RRBP1: variants seen among roughly 807,000 people sequenced by gnomAD.
RRBP1 encodes the protein ribosome-binding protein 1.
A neutral mutation model predicts 165.2 loss-of-function variants in RRBP1; 94 were observed. The observed-to-expected ratio is 0.57, with a 90% CI of 0.48 to 0.68. RRBP1 has a LOEUF of 0.68. Ranked by LOEUF, RRBP1 falls within the 30% of genes least tolerant of loss-of-function variation. RRBP1 has a pLI of 0.00. For missense variants in RRBP1, 1,676 were observed against 1,763.0 expected, an observed-to-expected ratio of 0.95 and a Z score of 0.88; for synonymous variants, 680 against 714.5, an observed-to-expected ratio of 0.95 and a Z score of 0.77.
chr20:17,624,485 C>G, intron 13 of RRBP1, 91 bp downstream of exon 13: 1 of 840,732 alleles, frequency 1.2e-6, no homozygotes, highest in Non-Finnish European at 2.0e-6. Flanking sequence ...CCTAGAGCAT[C>G]TGGTGTCCTA....
intron 8 of RRBP1, among the ~76,000 whole-genome samples, chr20:17,632,573 T>C (rs945307560): frequency 3.3e-5 from 5 of 152,236 alleles, no homozygotes; most frequent in Admixed American, 2.0e-4. Context: ...TAAAATTTCG[T>C]GTCTGTTCTA....
chr20:17,624,496 G>T, intron 13 of RRBP1, 80 bp downstream of exon 13: 1 of 922,156 alleles, frequency 1.1e-6, no homozygotes. Context: ...TGGTGTCCTA[G>T]TGCATCTGTA....
At chr20:17,644,183 C>T (rs945625853) in intron 3 of RRBP1, among the ~76,000 whole-genome samples, 4 of 152,062 alleles carry the variant, frequency 2.6e-5, no homozygotes, top group African/African-American at 7.2e-5. Context: ...ATGAGGGGAA[C>T]GTGGGATGTG....
At chr20:17,676,413 AGG>A (rs2037083090) in intron 2 of RRBP1, among the ~76,000 whole-genome samples, 3 of 147,708 alleles carry the variant, frequency 2.0e-5, no homozygotes, top group Non-Finnish European at 3.1e-5. Context: ...ATTTTATAGG[AGG>A]GAGAAAACTG....
Position 17,620,811 on chromosome 20 carries a change from G to T in RRBP1, c.3415-4C>A. On this transcript the variant is annotated splice_region_variant and splice_polypyrimidine_tract_variant and intron_variant, in intron 16 of 24. Coordinates refer to ENST00000377813, the MANE Select transcript of RRBP1 (RefSeq NM_001365613.2). ...GCAGGTCTCTGAGCATGCCCTCCTG[G>T]GGGGAAACCGAGGTGAGGCAGGGCC... The T allele has an allele frequency of 6.3e-7, 1 of 1,599,592 alleles. No individual in the cohort carries two copies.
intron 19 of RRBP1, 150 bp downstream of exon 19, chr20:17,619,483 G>A (rs544317871): frequency 3.7e-6 from 2 of 541,558 alleles, no homozygotes; most frequent in East Asian, 3.2e-5. Flanking sequence ...GCCCAACGAG[G>A]GGCCTGTGAG....
chr20:17,614,226 A>G lies in RRBP1; in HGVS notation c.4195-6T>C. ...TTTGAGCTGCTGCCGTCCTCCTGTG[A>G]ACGAAGGCAGGTGGCGTGAGGGGGG... is the stretch of plus-strand genomic sequence containing the variant. On this transcript the variant is annotated splice_region_variant and splice_polypyrimidine_tract_variant and intron_variant, in intron 24 of 24. Transcript: ENST00000377813. 8 of 1,613,296 alleles carry G rather than the reference A, an allele frequency of 5.0e-6. No homozygotes were observed. Among genetic ancestry groups the G allele is most frequent in the Non-Finnish European group, 6.8e-6 (8 of 1,179,944 alleles).
At position 17,670,981 on chromosome 20, in the gene RRBP1, T is replaced by C. The variant is rs373926926; in HGVS notation, c.-22+9018A>G. Among the ~76,000 whole-genome samples the C allele has an allele frequency of 5.2e-4, 79 of 152,360 alleles. No homozygotes were observed. The South Asian group carries it at 0.013, about 26-fold the overall frequency. Reference sequence around the variant, plus strand: ...TGCATCTACTCTTCCTGAATCTTAATTGGTCTTACAAATTATTCATCTATG... The same window carrying C: ...TGCATCTACTCTTCCTGAATCTTAACTGGTCTTACAAATTATTCATCTATG... On this transcript the variant is annotated intron_variant, in intron 2 of 24. Transcript: ENST00000377813.
chr20:17,635,183 T>C (rs1456541918), intron 7 of RRBP1, among the ~76,000 whole-genome samples: 1 of 152,060 alleles, frequency 6.6e-6, no homozygotes, highest in Non-Finnish European at 1.5e-5. Context: ...TCCGGCCCAC[T>C]TGCTGTGGGC....
At chr20:17,658,529 G>A (rs1332708085) in intron 3 of RRBP1, 67 bp downstream of exon 3, 48 of 1,384,734 alleles carry the variant, frequency 3.5e-5, no homozygotes, top group Middle Eastern at 5.2e-4. Context: ...GGCACTCCCC[G>A]AGAGAATCCA....
intron 3 of RRBP1, among the ~76,000 whole-genome samples, chr20:17,647,773 T>C (rs1379399991): frequency 2.0e-5 from 3 of 152,192 alleles, no homozygotes; most frequent in African/African-American, 7.2e-5. Context: ...TCCAGATCAG[T>C]TCTGAGGGTG....
At position 17,636,642 on chromosome 20, in the gene RRBP1, C is replaced by A. The variant is rs199895813; in HGVS notation, c.2272G>T (p.Val758Leu). The change falls in exon 6 of 25, where the codon GTG (valine) becomes TTG (leucine). Residue 758 changes from valine to leucine, a missense_variant. By Grantham distance (32) the Val-to-Leu change is conservative (BLOSUM62 1). This residue lies in a region of RRBP1 where 1,184 missense variants were observed against 1,167.1 expected (regional missense o/e 1.01). Coordinates refer to ENST00000377813, the MANE Select transcript of RRBP1 (RefSeq NM_001365613.2). ...TAGCTGGCCTGCATGCGTGCCTGCA[C>A]AGCCGTGATCTCCTGCTCCCGGGCC... ...LVAREQEITA[V>L]QARMQASYRE... 1 of 1,613,218 alleles carries A rather than the reference C, an allele frequency of 6.2e-7. No homozygotes were observed. The highest frequency in any genetic ancestry group is 8.5e-7 in the Non-Finnish European group (1 of 1,180,032).
rs531233694 is a variant in RRBP1, at chr20:17,616,890, C to A, written c.3760-51G>T. 3.4e-5 allele frequency: 46 copies of A among 1,370,192 alleles called. 2 individuals carry two copies. In the South Asian group the frequency reaches 4.4e-4, roughly 13 times the overall value. The allele number at this position is 1,370,192 out of a possible 1,614,324, so 84.9% of individuals were successfully genotyped here. A position where few individuals can be genotyped will look rare whatever the true frequency, so the allele number is the denominator to read the frequency against. ...AAATGCACAGCCAGTCGCACACCCACCATGCTCACTCCTGCAGGGACCCCC... is the reference window on the plus strand; with the variant it reads ...AAATGCACAGCCAGTCGCACACCCAACATGCTCACTCCTGCAGGGACCCCC... On this transcript the variant is annotated intron_variant, in intron 20 of 24. Transcript: ENST00000377813.
intron 8 of RRBP1, among the ~76,000 whole-genome samples, chr20:17,632,419 G>A (rs1044881715): frequency 4.6e-5 from 7 of 152,190 alleles, no homozygotes; most frequent in African/African-American, 1.7e-4. Flanking sequence ...ACACCCCACA[G>A]CTTCTCAACT....
rs190168629 is a variant in RRBP1 at position 17,672,444 on chromosome 20, G to A, written c.-22+7555C>T. Among the ~76,000 whole-genome samples, 31 of 152,244 alleles carry A rather than the reference G, an allele frequency of 2.0e-4. No individual in the cohort carries two copies. The South Asian group carries it at 2.1e-3, about 10-fold the overall frequency. On this transcript the variant is annotated intron_variant, in intron 2 of 24. Transcript: ENST00000377813. ...CCTAACATCCTCTCTCTGTGACAGC[G>A]GAGAACTTCAGCCTGAGTGAGTCAT... is the stretch of plus-strand genomic sequence containing the variant.
At chr20:17,620,264 G>A in intron 18 of RRBP1, 35 bp downstream of exon 18, 1 of 1,534,406 alleles carries the variant, frequency 6.5e-7, no homozygotes, top group East Asian at 2.2e-5. Context: ...AGGCTCCCGG[G>A]ACAAGAGAAA....
intron 7 of RRBP1, 103 bp from the exon 8 acceptor site, chr20:17,633,716 T>C (rs1018399413): frequency 1.6e-6 from 2 of 1,223,376 alleles, no homozygotes; most frequent in Non-Finnish European, 2.3e-6. Flanking sequence ...AGTAAGCAGT[T>C]GCCCAAGTCT....
intron 3 of RRBP1, among the ~76,000 whole-genome samples, chr20:17,650,452 G>T (rs1457383527): frequency 6.6e-6 from 1 of 152,204 alleles, no homozygotes; most frequent in Non-Finnish European, 1.5e-5. Context: ...CAGGCCCACA[G>T]CCAAGACAGA....
At chr20:17,663,012 T>C (rs2036795471) in intron 2 of RRBP1, among the ~76,000 whole-genome samples, 1 of 152,022 alleles carries the variant, frequency 6.6e-6, no homozygotes, top group African/African-American at 2.4e-5. Flanking sequence ...CCCATCTCTA[T>C]TTAAAAAAAA....
Sources: allele counts gnomAD v4.1 joint callset (sites outside exome capture counted in the v4.1 genomes callset), GRCh38; gene constraint gnomAD v4.1.1; regional missense constraint gnomAD v4.1.1; transcripts MANE v1.5; gene names NCBI Gene and HGNC (gene_info 2026-07-23, HGNC 2026-07-21).